C1orf167: variants seen among roughly 807,000 people sequenced by gnomAD.
C1orf167 encodes the protein uncharacterized protein C1orf167.
In C1orf167, 153 loss-of-function variants were observed where a neutral mutation model predicts 176.5. The ratio of observed to expected loss-of-function variants is 0.87; its 90% CI spans 0.76 to 0.99. C1orf167 has a LOEUF of 0.99. Among genes scored for constraint, C1orf167 ranks in the 50% least tolerant of loss-of-function variants. C1orf167 has a pLI of 0.00. For missense variants in C1orf167, 1,490 were observed against 1,817.7 expected, an observed-to-expected ratio of 0.82 and a Z score of 3.28; for synonymous variants, 594 against 752.7, an observed-to-expected ratio of 0.79 and a Z score of 3.45.
In C1orf167 at chr1:11,787,491, A is replaced by C. The variant is rs886045176; in HGVS notation, c.3671A>C (p.Gln1224Pro). Residue 1224 changes from glutamine (Q) to proline (P), a missense_variant and splice_region_variant, in exon 17 of 21, where the codon CAG (glutamine) becomes CCG (proline). By Grantham distance (76) the Gln-to-Pro change is moderately conservative (BLOSUM62 -1). Coordinates refer to ENST00000688073, the MANE Select transcript of C1orf167 (RefSeq NM_001010881.2). ...RRKPRGTAWA[Q>P]RCREHSLCPA... ...AAGCCAAGGGGAACGGCCTGGGCTC[A>C]GAGTAAGGAGACCTTGCCCCGGGGG... The C allele has an allele frequency of 1.9e-5, 25 of 1,300,418 alleles. No individual in the cohort carries two copies. Among genetic ancestry groups the C allele is most frequent in the Non-Finnish European group, 2.4e-5 (24 of 987,420 alleles). The allele number at this position is 1,300,418 out of a possible 1,614,324, so 80.6% of individuals were successfully genotyped here. A position where few individuals can be genotyped will look rare whatever the true frequency, so the allele number is the denominator to read the frequency against.
Position 11,769,469 on chromosome 1 carries a change from G to A in C1orf167, c.1697+342G>A, listed in dbSNP as rs1557724923. ...TGTAGTCCCAGCTACTCTAGAGACT[G>A]AGGCAGGAGGATCACTTGAGGCCAG... On this transcript the variant is annotated intron_variant, in intron 6 of 20. Transcript: ENST00000688073. Among the ~76,000 whole-genome samples the A allele has an allele frequency of 2.0e-5, 3 of 152,120 alleles. No individual in the cohort carries two copies. In the East Asian group the frequency reaches 5.9e-4, roughly 30 times the overall value.
intron 15 of C1orf167, 87 bp downstream of exon 15, chr1:11,784,680 A>G (rs55890341): frequency 0.11 from 127,578 of 1,169,750 alleles, 7,322 homozygotes; most frequent in South Asian, 0.18. Context: ...AGCGTAATTC[A>G]TGGCTGGGTG....
At chr1:11,787,105 T>G (rs1570445609) in intron 16 of C1orf167, 1 of 176,378 alleles carries the variant, frequency 5.7e-6, no homozygotes, top group Non-Finnish European at 1.2e-5. Context: ...GACTCTGGAG[T>G]CAGACGGCTT....
Position 11,788,379 on chromosome 1 carries a change from G to GT in C1orf167, c.4078+2dup. 1 of 1,290,396 alleles carries GT rather than the reference G, an allele frequency of 7.7e-7. No individual in the cohort carries two copies. The allele number at this position is 1,290,396 out of a possible 1,614,324, so 79.9% of individuals were successfully genotyped here. Reference sequence around the variant, plus strand: ...GGCAGAGCAGCTGGTGCGGACCCTGGTGAGTGGGTGCACCCCTCTCCACAC... The same window carrying GT: ...GGCAGAGCAGCTGGTGCGGACCCTGGTTGAGTGGGTGCACCCCTCTCCACAC... On this transcript the variant is annotated splice_donor_variant, in intron 19 of 20. Transcript: ENST00000688073. LOFTEE classifies it high-confidence loss of function.
At chr1:11,772,037 A>G in intron 7 of C1orf167, 45 bp from the exon 8 acceptor site, 5 of 1,259,934 alleles carry the variant, frequency 4.0e-6, no homozygotes, top group Non-Finnish European at 5.2e-6. Context: ...AGATCCTCCC[A>G]TCTGCTTACT....
rs1643949461 is a variant in C1orf167 at position 11,788,151 on chromosome 1, C to T, written c.3851C>T (p.Ala1284Val). 7.8e-7 allele frequency: 1 copy of T among 1,286,002 alleles called. No homozygotes were observed. The highest frequency in any genetic ancestry group is 1.0e-6 in the Non-Finnish European group (1 of 974,698). The allele number at this position is 1,286,002 out of a possible 1,614,324, so 79.7% of individuals were successfully genotyped here. The change falls in exon 19 of 21, where the codon GCT (alanine) becomes GTT (valine). Residue 1284 changes from alanine (A) to valine (V), a missense_variant and splice_region_variant. Physicochemically the swap from Ala to Val is moderately conservative, Grantham distance 64. Coordinates refer to ENST00000688073, the MANE Select transcript of C1orf167 (RefSeq NM_001010881.2). ...QSKAHKRRLRARSCRILEKQA... is the reference protein window; with the variant it reads ...QSKAHKRRLRVRSCRILEKQA... The stretch of plus-strand genomic sequence containing the variant: ...ACAGCTGGGCCCTCTCTGGCCAGTG[C>T]TCGTTCCTGCAGGATCCTGGAAAAG...
intron 6 of C1orf167, among the ~76,000 whole-genome samples, chr1:11,771,069 ATTTTTTTTTTT>A (rs147195468): frequency 8.0e-4 from 38 of 47,210 alleles, no homozygotes; most frequent in African/African-American, 3.4e-3. Flanking sequence ...ATATATATAT[ATTTTTTTTTTT>A]TTTTTTTTTT....
In C1orf167 at chr1:11,787,372, C is replaced by T; in HGVS notation, c.3568-16C>T. 1 of 1,274,508 alleles carries T rather than the reference C, an allele frequency of 7.8e-7. No individual in the cohort carries two copies. The highest frequency in any genetic ancestry group is 1.3e-5 in the South Asian group (1 of 77,576). The allele number at this position is 1,274,508 out of a possible 1,614,324, so 78.9% of individuals were successfully genotyped here. On this transcript the variant is annotated splice_polypyrimidine_tract_variant and intron_variant, in intron 16 of 20. Coordinates refer to ENST00000688073, the MANE Select transcript of C1orf167 (RefSeq NM_001010881.2). ...GCCCATGGGGTTCAGGTGCTCCTCT[C>T]TGGCTATTCCTTCAGACCCGCAGCT...
chr1:11,764,574 C>T, intron 2 of C1orf167, 104 bp downstream of exon 2: 1 of 986,966 alleles, frequency 1.0e-6, no homozygotes, highest in Non-Finnish European at 1.4e-6. Flanking sequence ...TAGGGCCTGG[C>T]TAATTCCAGA....
At chr1:11,773,864 G>A (rs973032971) in intron 8 of C1orf167, among the ~76,000 whole-genome samples, 1 of 151,966 alleles carries the variant, frequency 6.6e-6, no homozygotes, top group African/African-American at 2.4e-5. Context: ...TGAGGTCCAT[G>A]TATGGCAGTT....
At chr1:11,764,051 A>C (rs1386648070) in intron 1 of C1orf167, among the ~76,000 whole-genome samples, 1 of 152,158 alleles carries the variant, frequency 6.6e-6, no homozygotes, top group Non-Finnish European at 1.5e-5. Flanking sequence ...GTAGGCGTGG[A>C]GGAGGTCGCT....
chr1:11,771,031 ATG>A (rs58020814), intron 6 of C1orf167, among the ~76,000 whole-genome samples: 8,973 of 34,624 alleles, frequency 0.26, 1,568 homozygotes, highest in Non-Finnish European at 0.35. Context: ...GTGTGTGTGT[ATG>A]TGTGTGTGTG....
At chr1:11,763,823 T>A (rs967717514) in intron 1 of C1orf167, among the ~76,000 whole-genome samples, 2 of 152,094 alleles carry the variant, frequency 1.3e-5, no homozygotes, top group African/African-American at 2.4e-5. Context: ...AGGGGTCAGA[T>A]CCTGGATGCG....
intron 14 of C1orf167, among the ~76,000 whole-genome samples, chr1:11,783,014 A>G (rs549116320): frequency 1.3e-5 from 2 of 152,084 alleles, no homozygotes; most frequent in East Asian, 1.9e-4. Context: ...TCTGCTGTAC[A>G]CTGTCGCTAA....
chr1:11,768,138 C>T lies in C1orf167; in HGVS notation c.1405C>T (p.Pro469Ser). The change falls in exon 5 of 21, where the codon CCA becomes TCA. Residue 469 changes from proline (P) to serine (S), a missense_variant. Pro to Ser is a moderately conservative substitution (Grantham distance 74). Transcript: ENST00000688073. The surrounding 1 kb of genome is among the most constrained non-coding windows in gnomAD (Gnocchi z 4.5). The part of the protein sequence containing the change: ...WRHLVKRQRE[P>S]AAAAVALGRW... ...GCACTTGGTGAAGAGGCAGCGGGAG[C>T]CAGCGGCGGCGGCAGTGGCACTGGG... 7.8e-7 allele frequency: 1 copy of T among 1,289,710 alleles called. No individual in the cohort carries two copies. Among genetic ancestry groups the T allele is most frequent in the South Asian group, 1.2e-5 (1 of 81,000 alleles). 79.9% of individuals were successfully genotyped at this position (1,289,710 alleles called of 1,614,324 possible).
intron 6 of C1orf167, among the ~76,000 whole-genome samples, chr1:11,771,060 T>C (rs1162863502): frequency 1.0e-5 from 1 of 99,614 alleles, no homozygotes; most frequent in Non-Finnish European, 1.9e-5. Context: ...TATATATATA[T>C]ATATATATAT....
At chr1:11,763,375 G>T (rs1005680708) in intron 1 of C1orf167, among the ~76,000 whole-genome samples, 35 of 151,866 alleles carry the variant, frequency 2.3e-4, no homozygotes, top group African/African-American at 8.5e-4. Context: ...AGGGAGGCAG[G>T]CGGAGGTTGC....
rs145919329 is a variant in C1orf167 at position 11,766,129 on chromosome 1, G to T, written c.343G>T (p.Ala115Ser). 992 of 1,289,862 alleles carry T rather than the reference G, an allele frequency of 7.7e-4. 3 individuals carry two copies. In the African/African-American group the frequency reaches 8.5e-3, roughly 11 times the overall value. The allele number at this position is 1,289,862 out of a possible 1,614,324, so 79.9% of individuals were successfully genotyped here. Residue 115 changes from alanine (A) to serine (S), a missense_variant, in exon 3 of 21, where the codon GCC becomes TCC. Physicochemically the swap from Ala to Ser is moderately conservative, Grantham distance 99. Coordinates refer to ENST00000688073, the MANE Select transcript of C1orf167 (RefSeq NM_001010881.2). The surrounding 1 kb of genome is among the most constrained non-coding windows in gnomAD (Gnocchi z 4.5). ...CCTGGCCAGGAGGCGCCAAGGGAAG[G>T]CCCGAGAGTTTGCCATCCAGCAGAG... Reference protein sequence around the residue: ...QSLARRRQGKAREFAIQQSNL... With the variant: ...QSLARRRQGKSREFAIQQSNL...
chr1:11,786,327 G>A (rs142884651), intron 16 of C1orf167: 1 of 152,314 alleles, frequency 6.6e-6, no homozygotes, highest in African/African-American at 2.4e-5. Flanking sequence ...GGCAGGTGAG[G>A]TAGTGTCCCT....
Sources: allele counts gnomAD v4.1 joint callset (sites outside exome capture counted in the v4.1 genomes callset), GRCh38; gene constraint gnomAD v4.1.1; non-coding constraint Gnocchi (gnomAD v3.1); transcripts MANE v1.5; gene names NCBI Gene and HGNC (gene_info 2026-07-23, HGNC 2026-07-21).